Variants in INSL6 observed in about 807,000 individuals in gnomAD.
INSL6 encodes insulin-like peptide INSL6.
In INSL6, 16 loss-of-function variants were observed where a neutral mutation model predicts 9.4. The observed-to-expected ratio is 1.70, with a 90% CI of 1.15 to 2.59. The LOEUF is 2.59. Among genes scored for constraint, INSL6 ranks in the 30% most tolerant of loss-of-function variants. The pLI, the probability that INSL6 is intolerant of heterozygous loss-of-function variation, is 0.00. For synonymous variants in INSL6, 154 were observed against 96.9 expected, an observed-to-expected ratio of 1.59 and a Z score of -3.46; for missense variants, 391 against 257.3, an observed-to-expected ratio of 1.52 and a Z score of -3.56.
chr9:5,109,117 T>C, the INSL6 span: 1 of 152,140 alleles, frequency 6.6e-6, no homozygotes, highest in African/African-American at 2.4e-5. Flanking sequence ...GGACTTAATA[T>C]ACTAATTACA....
chr9:5,155,977 G>C (rs1407460743), intron 2 of INSL6, among the ~76,000 whole-genome samples: 1 of 151,634 alleles, frequency 6.6e-6, no homozygotes, highest in African/African-American at 2.4e-5. Flanking sequence ...ATAATCAAGA[G>C]TAAAAAAGAA....
At chr9:5,083,467 T>G in the INSL6 span, among the ~76,000 whole-genome samples, 1 of 152,224 alleles carries the variant, frequency 6.6e-6, no homozygotes, top group Admixed American at 6.5e-5. Flanking sequence ...TCCTGAAATA[T>G]CTCCAGATGT....
intron 2 of INSL6, among the ~76,000 whole-genome samples, chr9:5,152,996 T>C (rs1586865006): frequency 6.6e-6 from 1 of 152,186 alleles, no homozygotes; most frequent in South Asian, 2.1e-4. Context: ...GACTGTACCC[T>C]GCACTCCAGC....
At chr9:5,112,678 G>T in the INSL6 span, 1 of 938,516 alleles carries the variant, frequency 1.1e-6, no homozygotes, top group Non-Finnish European at 1.5e-6. Context: ...AGGCCGTCTC[G>T]GTCATCCTGA....
chr9:5,120,848 T>C (rs780396066), downstream of INSL6, among the ~76,000 whole-genome samples: 1 of 152,154 alleles, frequency 6.6e-6, no homozygotes, highest in Non-Finnish European at 1.5e-5. Flanking sequence ...GCTAAATAGA[T>C]TGTGATGCTA....
At chr9:5,080,172 A>C in the INSL6 span, 6 of 1,297,846 alleles carry the variant, frequency 4.6e-6, no homozygotes, top group Non-Finnish European at 6.4e-6. Flanking sequence ...ATTTACATAT[A>C]AAAGATTGGT....
the INSL6 span, among the ~76,000 whole-genome samples, chr9:5,043,354 C>T: frequency 6.6e-6 from 1 of 151,442 alleles, no homozygotes; most frequent in East Asian, 1.9e-4. Context: ...AAAAAAGATG[C>T]CCAACATCAT....
chr9:5,093,086 AT>A, the INSL6 span, among the ~76,000 whole-genome samples: 1 of 152,324 alleles, frequency 6.6e-6, no homozygotes, highest in African/African-American at 2.4e-5. Context: ...AGAAGCAATA[AT>A]GTTAATATAA....
chr9:5,017,986 C>G, the INSL6 span, among the ~76,000 whole-genome samples: 1 of 152,122 alleles, frequency 6.6e-6, no homozygotes, highest in African/African-American at 2.4e-5. Context: ...CTATGTGTAT[C>G]TTTAAAGGTG....
intron 2 of INSL6, among the ~76,000 whole-genome samples, chr9:5,139,347 C>T (rs1303507726): frequency 6.6e-6 from 1 of 151,968 alleles, no homozygotes; most frequent in Non-Finnish European, 1.5e-5. Flanking sequence ...ATTAATTGCA[C>T]AACAATTTGA....
At chr9:5,135,663 G>GA (rs1479590844) in intron 2 of INSL6, among the ~76,000 whole-genome samples, 1 of 152,124 alleles carries the variant, frequency 6.6e-6, no homozygotes, top group African/African-American at 2.4e-5. Flanking sequence ...GCCCACAAGA[G>GA]AAAGCAGGAA....
At chr9:5,110,097 C>T in the INSL6 span, 3 of 152,162 alleles carry the variant, frequency 2.0e-5, no homozygotes, top group African/African-American at 7.2e-5. Flanking sequence ...TAATCCCCTT[C>T]CATTAATTCG....
intron 1 of INSL6, among the ~76,000 whole-genome samples, chr9:5,166,662 AAGGGTAGTC>A (rs1336328842): frequency 6.6e-6 from 1 of 152,190 alleles, no homozygotes; most frequent in Non-Finnish European, 1.5e-5. Context: ...AAGAAATGAA[AAGGGTAGTC>A]AGAGTTATCA....
the INSL6 span, among the ~76,000 whole-genome samples, chr9:5,077,804 C>A: frequency 6.6e-6 from 1 of 152,164 alleles, no homozygotes; most frequent in South Asian, 2.1e-4. Flanking sequence ...CTTAGAACTA[C>A]TAATAGACAA....
At chr9:5,045,977 T>G in the INSL6 span, among the ~76,000 whole-genome samples, 3 of 152,190 alleles carry the variant, frequency 2.0e-5, no homozygotes, top group South Asian at 2.1e-4. Flanking sequence ...TTTTCTGTAG[T>G]GGCTGCACTA....
At chr9:5,099,745 A>C in the INSL6 span, 1 of 152,204 alleles carries the variant, frequency 6.6e-6, no homozygotes, top group African/African-American at 2.4e-5. Context: ...CCATAACATT[A>C]AAGGACAAAC....
the INSL6 span, among the ~76,000 whole-genome samples, chr9:5,079,808 C>T: frequency 6.6e-6 from 1 of 151,664 alleles, no homozygotes; most frequent in East Asian, 1.9e-4. Context: ...GACACAGTGA[C>T]ACCCTGTCTC....
the INSL6 span, chr9:5,080,800 T>G: frequency 1.6e-6 from 1 of 644,170 alleles, no homozygotes; most frequent in Non-Finnish European, 2.5e-6. Context: ...TGGGCCCTCT[T>G]AATTTCTTAT....
chr9:5,132,858 A>C (rs1824317715), intron 3 of INSL6: 1 of 152,222 alleles, frequency 6.6e-6, no homozygotes, highest in Admixed American at 6.5e-5. Context: ...TTAAACATTC[A>C]GACAAAATTA....
Sources: allele counts gnomAD v4.1 joint callset (sites outside exome capture counted in the v4.1 genomes callset), GRCh38; gene constraint gnomAD v4.1.1; transcripts MANE v1.5; gene names NCBI Gene and HGNC (gene_info 2026-07-23, HGNC 2026-07-21).